Variants in SNTG2 observed in about 807,000 individuals in gnomAD.
SNTG2 encodes the protein gamma-2-syntrophin.
A neutral mutation model predicts 70.9 loss-of-function variants in SNTG2; 74 were observed. The ratio of observed to expected loss-of-function variants is 1.04; its 90% CI spans 0.86 to 1.27. The LOEUF (loss-of-function observed/expected upper bound fraction) is 1.27, where lower values mean the gene tolerates loss of function less well. Among genes scored for constraint, SNTG2 ranks in the 50% most tolerant of loss-of-function variants. The pLI is 0.00. For synonymous variants in SNTG2, 278 were observed against 273.8 expected (o/e 1.02, Z -0.15); for missense variants, 717 against 690.7 (o/e 1.04, Z -0.43).
intron 4 of SNTG2, among the ~76,000 whole-genome samples, chr2:1,131,944 C>T (rs1277150114): frequency 6.6e-6 from 1 of 152,172 alleles, no homozygotes; most frequent in African/African-American, 2.4e-5. Flanking sequence ...GCCACCGCAC[C>T]TGGCCACTAA....
At chr2:1,078,793 C>T (rs2148157784) in intron 1 of SNTG2, among the ~76,000 whole-genome samples, 1 of 152,124 alleles carries the variant, frequency 6.6e-6, no homozygotes, top group East Asian at 1.9e-4. Context: ...AACCCCGTGA[C>T]CCCAGGCAGA....
intron 1 of SNTG2, among the ~76,000 whole-genome samples, chr2:1,071,251 CA>C (rs1481521884): frequency 1.3e-5 from 2 of 151,094 alleles, no homozygotes; most frequent in African/African-American, 2.4e-5. Context: ...GGAACCAACC[CA>C]AATGTCCAAC....
intron 1 of SNTG2, among the ~76,000 whole-genome samples, chr2:1,050,623 A>G (rs571711512): frequency 6.6e-6 from 1 of 152,218 alleles, no homozygotes; most frequent in Non-Finnish European, 1.5e-5. Context: ...TTCTTCCAGG[A>G]TTTCCTTGAC....
intron 15 of SNTG2, among the ~76,000 whole-genome samples, chr2:1,309,280 G>C (rs1373867135): frequency 6.6e-6 from 1 of 152,180 alleles, no homozygotes; most frequent in African/African-American, 2.4e-5. Context: ...GTTATCTCAT[G>C]GTCATTTCCT....
intron 15 of SNTG2, among the ~76,000 whole-genome samples, chr2:1,314,095 A>G (rs917818083): frequency 8.5e-5 from 13 of 152,232 alleles, no homozygotes; most frequent in African/African-American, 3.1e-4. Context: ...GCAGTTTACA[A>G]TACCATGCAA....
Position 1,155,307 on chromosome 2 carries a change from C to A in SNTG2, c.412-10241C>A, listed in dbSNP as rs116176513. The stretch of plus-strand genomic sequence containing the variant: ...ACATACACATACCCACATGTACACA[C>A]ACATTCACACCACATGCATATACAC... On this transcript the variant is annotated intron_variant, in intron 6 of 16. Coordinates refer to ENST00000308624, the MANE Select transcript of SNTG2 (RefSeq NM_018968.4). 9.8e-3 allele frequency among the ~76,000 whole-genome samples: 1,487 copies of A among 151,814 alleles called. 22 individuals are homozygous for A. The highest frequency in any genetic ancestry group is 0.034 in the African/African-American group (1,395 of 41,392).
At chr2:1,152,837 C>T (rs1669604939) in intron 6 of SNTG2, among the ~76,000 whole-genome samples, 1 of 152,110 alleles carries the variant, frequency 6.6e-6, no homozygotes, top group Admixed American at 6.5e-5. Context: ...AAAATGCCTT[C>T]ACAAGGCCAG....
intron 8 of SNTG2, among the ~76,000 whole-genome samples, chr2:1,203,671 A>AGT: frequency 1.5e-5 from 1 of 67,102 alleles, no homozygotes; most frequent in Non-Finnish European, 3.0e-5. Flanking sequence ...AACAAAAAAA[A>AGT]AAATATATAT....
At chr2:1,321,255 T>C (rs1010310804) in intron 16 of SNTG2, among the ~76,000 whole-genome samples, 1 of 152,184 alleles carries the variant, frequency 6.6e-6, no homozygotes, top group African/African-American at 2.4e-5. Context: ...TATTCCCACA[T>C]ATATATCCAT....
chr2:1,234,599 A>G (rs1676482799), intron 9 of SNTG2, among the ~76,000 whole-genome samples: 3 of 152,182 alleles, frequency 2.0e-5, no homozygotes, highest in Non-Finnish European at 4.4e-5. Context: ...TCATGAAGCT[A>G]TGGCATAAAC....
intron 14 of SNTG2, among the ~76,000 whole-genome samples, chr2:1,287,445 T>A (rs1327162923): frequency 1.3e-5 from 2 of 152,184 alleles, no homozygotes; most frequent in African/African-American, 2.4e-5. Flanking sequence ...TCTAAACGTG[T>A]TCACCACGTG....
rs558322905 is a variant in SNTG2, at chr2:1,258,024, G to A, written c.1006-1346G>A. 5.9e-5 allele frequency among the ~76,000 whole-genome samples: 9 copies of A among 152,182 alleles called. No individual in the cohort carries two copies. In the South Asian group the frequency reaches 1.7e-3, roughly 28 times the overall value. ...TGTCCTAACTGGGAAAGATAAAAAT[G>A]GTGGATCCACAATTCTGTATTTGCC... On this transcript the variant is annotated intron_variant, in intron 12 of 16. Transcript: ENST00000308624.
chr2:1,284,333 C>T (rs1679681558), intron 14 of SNTG2, among the ~76,000 whole-genome samples: 1 of 152,156 alleles, frequency 6.6e-6, no homozygotes, highest in African/African-American at 2.4e-5. Flanking sequence ...TTTAGCTGTT[C>T]AGATTCTGGC....
chr2:1,224,281 A>G (rs779096156), intron 9 of SNTG2, among the ~76,000 whole-genome samples: 9 of 152,076 alleles, frequency 5.9e-5, no homozygotes, highest in Non-Finnish European at 8.8e-5. Flanking sequence ...TGCTAGGGAC[A>G]CTCCACTTTT....
intron 16 of SNTG2, among the ~76,000 whole-genome samples, chr2:1,328,614 A>C (rs927542377): frequency 6.6e-6 from 1 of 152,200 alleles, no homozygotes; most frequent in Non-Finnish European, 1.5e-5. Flanking sequence ...GAGGAGACAG[A>C]TGGAGGAGCT....
In SNTG2 at chr2:1,167,430, C is replaced by T. The variant is rs193124896; in HGVS notation, c.499+1795C>T. Among the ~76,000 whole-genome samples, 1,366 of 143,638 alleles carry T rather than the reference C, an allele frequency of 9.5e-3. 9 individuals carry two copies. Among genetic ancestry groups the T allele is most frequent in the African/African-American group, 0.033 (1,213 of 37,124 alleles). 94.2% of individuals were successfully genotyped at this position (143,638 alleles called of 152,430 possible). ...GACGGCAGAACTGAAGCCTAGAAGC[C>T]GCCCACAGACGTCAGAACTGAAGCC... On this transcript the variant is annotated intron_variant, in intron 7 of 16. Coordinates refer to ENST00000308624, the MANE Select transcript of SNTG2 (RefSeq NM_018968.4).
intron 1 of SNTG2, among the ~76,000 whole-genome samples, chr2:1,007,556 A>C (rs62104283): frequency 0.076 from 11,544 of 152,224 alleles, 624 homozygotes; most frequent in South Asian, 0.21. Context: ...ACCACAAGGC[A>C]TAGTAGACAA....
intron 1 of SNTG2, among the ~76,000 whole-genome samples, chr2:955,871 C>T (rs1660122098): frequency 6.6e-6 from 1 of 152,202 alleles, no homozygotes; most frequent in African/African-American, 2.4e-5. Flanking sequence ...TCTGGGGTCC[C>T]AGCTACCCTC....
intron 1 of SNTG2, among the ~76,000 whole-genome samples, chr2:1,015,343 G>T (rs1659855162): frequency 1.3e-5 from 2 of 152,044 alleles, no homozygotes; most frequent in Admixed American, 1.3e-4. Context: ...TAAAAATTTG[G>T]CCACATTAAA....
Sources: gnomAD v4.1 joint callset for allele counts (sites outside exome capture counted in the v4.1 genomes callset) on GRCh38, gnomAD v4.1.1 for gene constraint, MANE v1.5 for transcripts, NCBI Gene and HGNC (gene_info 2026-07-23, HGNC 2026-07-21) for gene names.